The following GINS1 variants were observed in gnomAD, a reference collection of about 807,000 sequenced individuals.
GINS1 encodes the protein DNA replication complex GINS protein PSF1.
A neutral mutation model predicts 34.9 loss-of-function variants in GINS1; 26 were observed. The ratio of observed to expected loss-of-function variants is 0.74; its 90% CI spans 0.55 to 1.03. The LOEUF is 1.03. GINS1 is among the 50% of genes least tolerant of loss of function. The pLI is 0.00. For synonymous variants in GINS1, 97 were observed against 84.4 expected (o/e 1.15, Z -0.82); for missense variants, 235 against 237.9 (o/e 0.99, Z 0.08).
intron 4 of GINS1, chr20:25,419,693 C>T (rs762657737): frequency 1.1e-4 from 51 of 463,158 alleles, no homozygotes; most frequent in African/African-American, 2.4e-4. Context: ...GATGGAATCT[C>T]GCTCTGTTGC....
At chr20:25,445,081 A>T (rs2090503610) in intron 6 of GINS1, among the ~76,000 whole-genome samples, 1 of 152,254 alleles carries the variant, frequency 6.6e-6, no homozygotes, top group African/African-American at 2.4e-5. Flanking sequence ...ACCTACTAGA[A>T]TTCAGAAGTC....
intron 5 of GINS1, among the ~76,000 whole-genome samples, chr20:25,431,910 C>T (rs1329313528): frequency 6.6e-6 from 1 of 151,606 alleles, no homozygotes; most frequent in Non-Finnish European, 1.5e-5. Flanking sequence ...CTGTATTTTC[C>T]AGGCTGGAGT....
intron 5 of GINS1, among the ~76,000 whole-genome samples, chr20:25,433,458 T>C (rs1303501146): frequency 6.6e-6 from 1 of 152,114 alleles, no homozygotes; most frequent in East Asian, 1.9e-4. Flanking sequence ...CTTTAAATAA[T>C]CTCTAGATTA....
rs1568802527 is a variant in GINS1, at chr20:25,423,452, C to CTTTTCTTTTTTTT, written c.331-1755_331-1754insCTTTTTTTTTTTT. Among the ~76,000 whole-genome samples the CTTTTCTTTTTTTT allele has an allele frequency of 2.0e-3, 61 of 30,002 alleles. 10 individuals are homozygous for CTTTTCTTTTTTTT. Among genetic ancestry groups the CTTTTCTTTTTTTT allele is most frequent in the East Asian group, 9.3e-3 (4 of 428 alleles). 19.7% of individuals were successfully genotyped at this position (30,002 alleles called of 152,430 possible). On this transcript the variant is annotated intron_variant, in intron 4 of 6. Coordinates refer to ENST00000262460, the MANE Select transcript of GINS1 (RefSeq NM_021067.5). ...AAGGTTATTAAGATATTTTTCTTTT[C>CTTTTCTTTTTTTT]TTTTTTTTTTTTTTTTTTTTTTTTT...
At chr20:25,426,303 C>T (rs1305618777) in intron 5 of GINS1, among the ~76,000 whole-genome samples, 1 of 152,034 alleles carries the variant, frequency 6.6e-6, no homozygotes, top group Non-Finnish European at 1.5e-5. Context: ...GTGGCTCATG[C>T]TTGTAATCCT....
chr20:25,415,642 G>A (rs1268340689), intron 2 of GINS1, among the ~76,000 whole-genome samples: 1 of 145,722 alleles, frequency 6.9e-6, no homozygotes, highest in African/African-American at 2.6e-5. Flanking sequence ...TCGAGATCGC[G>A]TCATTGCACT....
chr20:25,421,647 A>G (rs1315702855), intron 4 of GINS1, among the ~76,000 whole-genome samples: 1 of 152,226 alleles, frequency 6.6e-6, no homozygotes, highest in South Asian at 2.1e-4. Flanking sequence ...TAGTGAAAAT[A>G]GGTATTTTTT....
At chr20:25,413,919 C>G (rs577941271) in intron 2 of GINS1, 65 bp downstream of exon 2, 1 of 921,298 alleles carries the variant, frequency 1.1e-6, no homozygotes, top group Middle Eastern at 2.1e-4. Flanking sequence ...TGGCCGGGCG[C>G]GGTGGCTCAC....
chr20:25,421,226 A>C (rs2500406), intron 4 of GINS1, among the ~76,000 whole-genome samples: 105,140 of 152,108 alleles, frequency 0.69, 37,621 homozygotes, highest in African/African-American at 0.81. Context: ...GGGGCAATGA[A>C]AAAGAGAAAA....
At chr20:25,418,291 T>G in intron 4 of GINS1, 96 bp downstream of exon 4, 1 of 799,758 alleles carries the variant, frequency 1.3e-6, no homozygotes, top group African/African-American at 1.7e-5. Context: ...TTTTTGTGTT[T>G]AATGTCTGTT....
chr20:25,437,899 A>C (rs1222084332), intron 5 of GINS1, among the ~76,000 whole-genome samples: 3 of 152,084 alleles, frequency 2.0e-5, no homozygotes, highest in Non-Finnish European at 2.9e-5. Context: ...CGGGTGGATC[A>C]CCTGAGGTCA....
chr20:25,411,767 AC>A (rs1415341751), intron 1 of GINS1, among the ~76,000 whole-genome samples: 1 of 151,990 alleles, frequency 6.6e-6, no homozygotes, highest in African/African-American at 2.4e-5. Context: ...ACATGGTGAA[AC>A]CCTGTCTCTA....
chr20:25,446,305 G>A lies in GINS1; in HGVS notation c.*314G>A, dbSNP rs949219178. ...CCACCTTAGCTTCTCAAAGTGTTGA[G>A]ATCACAGGCGTGAGCCACTGCACCC... On this transcript the variant is annotated 3_prime_UTR_variant, in exon 7 of 7. Coordinates refer to ENST00000262460, the MANE Select transcript of GINS1 (RefSeq NM_021067.5). The A allele has an allele frequency of 4.0e-6, 1 of 250,518 alleles. No individual in the cohort carries two copies. The allele number at this position is 250,518 out of a possible 1,614,324, so 15.5% of individuals were successfully genotyped here. A position where few individuals can be genotyped will look rare whatever the true frequency, so the allele number is the denominator to read the frequency against.
chr20:25,421,050 C>G, intron 4 of GINS1: 1 of 728,302 alleles, frequency 1.4e-6, no homozygotes, highest in Non-Finnish European at 1.7e-6. Flanking sequence ...ATCTGTATTA[C>G]CCAAGGATAG....
chr20:25,440,181 G>A (rs1253923216), intron 5 of GINS1, among the ~76,000 whole-genome samples: 4 of 151,788 alleles, frequency 2.6e-5, no homozygotes, highest in Non-Finnish European at 5.9e-5. Context: ...TTGTATTTTT[G>A]GTAGAGGCGG....
At position 25,407,774 on chromosome 20, in the gene GINS1, G is replaced by T. The variant is rs748200996; in HGVS notation, c.-47G>T. On this transcript the variant is annotated 5_prime_UTR_variant, in exon 1 of 7. Transcript: ENST00000262460. ...CCGAGAGCCCAGATACCATTTTGGC[G>T]TGAGAGCTGGTGGTTGGCAAGGCCG... 1 of 1,454,382 alleles carries T rather than the reference G, an allele frequency of 6.9e-7. No homozygotes were observed. Among genetic ancestry groups the T allele is most frequent in the South Asian group, 1.1e-5 (1 of 87,476 alleles). The allele number at this position is 1,454,382 out of a possible 1,614,324, so 90.1% of individuals were successfully genotyped here.
intron 5 of GINS1, among the ~76,000 whole-genome samples, chr20:25,436,453 G>A (rs1448454980): frequency 6.6e-6 from 1 of 152,096 alleles, no homozygotes; most frequent in Non-Finnish European, 1.5e-5. Flanking sequence ...TGGTTTGCTT[G>A]ATGGTGCCCT....
chr20:25,409,088 A>G (rs1274728556), intron 1 of GINS1: 1 of 941,294 alleles, frequency 1.1e-6, no homozygotes, highest in Non-Finnish European at 1.3e-6. Flanking sequence ...GAGGCATCCC[A>G]GCCAAAGGAT....
rs187048288 is a variant in GINS1 at position 25,428,683 on chromosome 20, T to C, written c.447+3356T>C. On this transcript the variant is annotated intron_variant, in intron 5 of 6. Coordinates refer to ENST00000262460, the MANE Select transcript of GINS1 (RefSeq NM_021067.5). Reference sequence around the variant, plus strand: ...CCTCCCAAAGTGCTGGGATTACAGGTGTGAGCCACCGCACCCGGCCTCCAA... The same window carrying C: ...CCTCCCAAAGTGCTGGGATTACAGGCGTGAGCCACCGCACCCGGCCTCCAA... Among the ~76,000 whole-genome samples the C allele has an allele frequency of 1.9e-3, 286 of 151,128 alleles. 1 individual carries two copies. The highest frequency in any genetic ancestry group is 6.6e-3 in the African/African-American group (271 of 41,214).
Sources: allele counts gnomAD v4.1 joint callset (sites outside exome capture counted in the v4.1 genomes callset), GRCh38; gene constraint gnomAD v4.1.1; transcripts MANE v1.5; gene names NCBI Gene and HGNC (gene_info 2026-07-23, HGNC 2026-07-21).